The following NOL4 variants were observed in gnomAD, a reference collection of about 807,000 sequenced individuals.
NOL4 encodes cancer/testis antigen 125.
NOL4 carries 17 observed loss-of-function variants against 75.9 expected under a neutral mutation model. The ratio of observed to expected loss-of-function variants is 0.22; its 90% CI spans 0.15 to 0.34. The LOEUF is 0.34. Ranked by LOEUF, NOL4 falls within the 10% of genes least tolerant of loss-of-function variation. The pLI, the probability that NOL4 is intolerant of heterozygous loss-of-function variation, is 1.00. For synonymous variants in NOL4, 292 were observed against 289.9 expected, an observed-to-expected ratio of 1.01 and a Z score of -0.07; for missense variants, 614 against 793.5, an observed-to-expected ratio of 0.77 and a Z score of 2.72.
chr18:34,144,900 C>T (rs1262315414), intron 1 of NOL4, among the ~76,000 whole-genome samples: 1 of 152,056 alleles, frequency 6.6e-6, no homozygotes, highest in Non-Finnish European at 1.5e-5. Context: ...GTTTCAAATT[C>T]AACTTCTTTT....
At chr18:34,110,760 AATT>A (rs2079548618) in intron 2 of NOL4, among the ~76,000 whole-genome samples, 1 of 152,138 alleles carries the variant, frequency 6.6e-6, no homozygotes, top group African/African-American at 2.4e-5. Flanking sequence ...TTACAAGTGA[AATT>A]ATCTTATAGA....
intron 5 of NOL4, among the ~76,000 whole-genome samples, chr18:34,033,525 G>A (rs1484618383): frequency 1.3e-5 from 2 of 151,938 alleles, no homozygotes; most frequent in Non-Finnish European, 2.9e-5. Context: ...TAAAAAGAAT[G>A]AGCAAAGTTT....
chr18:34,221,745 A>G (rs1230236784), intron 1 of NOL4: 2 of 329,662 alleles, frequency 6.1e-6, no homozygotes, highest in African/African-American at 4.2e-5. Context: ...AGGAAACCAT[A>G]AACTGATTTC....
At chr18:34,026,423 T>C (rs747549008) in intron 5 of NOL4, among the ~76,000 whole-genome samples, 18 of 152,168 alleles carry the variant, frequency 1.2e-4, no homozygotes, top group Admixed American at 3.3e-4. Context: ...GCTCTAGTAA[T>C]ATCAGCTATT....
At chr18:34,015,160 T>C (rs2146367104) in intron 6 of NOL4, among the ~76,000 whole-genome samples, 1 of 152,142 alleles carries the variant, frequency 6.6e-6, no homozygotes, top group East Asian at 1.9e-4. Flanking sequence ...AAAGCAAGTA[T>C]TGATCCAGAT....
intron 1 of NOL4, among the ~76,000 whole-genome samples, chr18:34,143,922 CA>C (rs1336400774): frequency 6.8e-6 from 1 of 146,484 alleles, no homozygotes; most frequent in East Asian, 2.0e-4. Flanking sequence ...AGACAATGGA[CA>C]AAATCATAAA....
intron 1 of NOL4, among the ~76,000 whole-genome samples, chr18:34,187,370 C>CTTTTTTT (rs545524361): frequency 1.8e-4 from 14 of 78,348 alleles, no homozygotes; most frequent in East Asian, 3.4e-4. Flanking sequence ...TAGTCCACTT[C>CTTTTTTT]TTTTTTTTTT....
intron 10 of NOL4, among the ~76,000 whole-genome samples, chr18:33,872,715 C>T (rs569969307): frequency 1.5e-4 from 23 of 151,914 alleles, no homozygotes; most frequent in Admixed American, 8.5e-4. Flanking sequence ...AAATAGATCC[C>T]GGTGGAGGAA....
intron 5 of NOL4, among the ~76,000 whole-genome samples, chr18:34,082,268 G>C (rs889213624): frequency 6.6e-6 from 1 of 152,140 alleles, no homozygotes; most frequent in South Asian, 2.1e-4. Context: ...ATGGGCATCA[G>C]AACCAGAAGG....
chr18:33,922,045 T>C lies in NOL4; in HGVS notation c.1542+21020A>G, dbSNP rs142675646. 2.2e-4 allele frequency among the ~76,000 whole-genome samples: 33 copies of C among 152,334 alleles called. No homozygotes were observed. The East Asian group carries it at 6.4e-3, about 29-fold the overall frequency. ...TATGGGGAAGATGGAAGGCTGGAGC[T>C]GCTGCAGCTATGTTGCTACTATGAG... On this transcript the variant is annotated intron_variant, in intron 9 of 10. Transcript: ENST00000261592.
chr18:34,105,331 G>A (rs1422414627), intron 2 of NOL4, among the ~76,000 whole-genome samples, 171 bp from the exon 3 acceptor site: 1 of 151,876 alleles, frequency 6.6e-6, no homozygotes, highest in African/African-American at 2.4e-5. Flanking sequence ...TATCAAACTT[G>A]ATTAGATGTC....
At chr18:34,131,072 C>CAA (rs1568376494) in intron 1 of NOL4, among the ~76,000 whole-genome samples, 10 of 107,898 alleles carry the variant, frequency 9.3e-5, no homozygotes, top group African/African-American at 3.7e-4. Context: ...ACACATACAC[C>CAA]GACACACACA....
At chr18:33,916,121 G>A (rs2066707468) in intron 9 of NOL4, among the ~76,000 whole-genome samples, 1 of 152,110 alleles carries the variant, frequency 6.6e-6, no homozygotes, top group Non-Finnish European at 1.5e-5. Flanking sequence ...CAGGGAGAGT[G>A]TAAGAGTGAT....
intron 9 of NOL4, among the ~76,000 whole-genome samples, chr18:33,908,461 C>A (rs922745459): frequency 5.9e-5 from 9 of 152,066 alleles, no homozygotes; most frequent in Admixed American, 2.0e-4. Flanking sequence ...TTCTTTGTAG[C>A]AACTTTTGAT....
chr18:33,937,006 A>G (rs942562083), intron 9 of NOL4, among the ~76,000 whole-genome samples: 1 of 152,072 alleles, frequency 6.6e-6, no homozygotes, highest in Non-Finnish European at 1.5e-5. Flanking sequence ...TAGAGAAAAG[A>G]ACCCACAAAT....
intron 9 of NOL4, among the ~76,000 whole-genome samples, chr18:33,887,066 TAATA>T (rs1297569624): frequency 1.4e-5 from 2 of 140,518 alleles, no homozygotes; most frequent in Non-Finnish European, 3.1e-5. Context: ...TATCTATATA[TAATA>T]TATATATCTA....
chr18:33,988,390 T>C (rs1455522370), intron 6 of NOL4, among the ~76,000 whole-genome samples: 1 of 152,012 alleles, frequency 6.6e-6, no homozygotes, highest in Admixed American at 6.5e-5. Context: ...TGTTCAAACA[T>C]AAAAAGATAC....
At chr18:34,198,355 C>T (rs920002296) in intron 1 of NOL4, among the ~76,000 whole-genome samples, 2 of 151,766 alleles carry the variant, frequency 1.3e-5, no homozygotes, top group Non-Finnish European at 3.0e-5. Context: ...AAGTGACAAA[C>T]GCCAATTTGT....
In NOL4 at chr18:34,107,670, C is replaced by T. The variant is rs147625744; in HGVS notation, c.415-2510G>A. On this transcript the variant is annotated intron_variant, in intron 2 of 10. Transcript: ENST00000261592. Reference sequence around the variant, plus strand: ...CTGAAAAAAAATATTTCTCCTGCAACGCACGTAAAGAAAAAAAAAAAAAAA... The same window carrying T: ...CTGAAAAAAAATATTTCTCCTGCAATGCACGTAAAGAAAAAAAAAAAAAAA... Among the ~76,000 whole-genome samples, 198 of 149,040 alleles carry T rather than the reference C, an allele frequency of 1.3e-3. 1 individual carries two copies. The highest frequency in any genetic ancestry group is 2.7e-3 in the Admixed American group (40 of 14,940).
Sources: gnomAD v4.1 joint callset for allele counts (sites outside exome capture counted in the v4.1 genomes callset) on GRCh38, gnomAD v4.1.1 for gene constraint, MANE v1.5 for transcripts, NCBI Gene and HGNC (gene_info 2026-07-23, HGNC 2026-07-21) for gene names.